The following AHCYL2 variants were observed in gnomAD, a reference collection of about 807,000 sequenced individuals.
AHCYL2 encodes adenosylhomocysteinase like 2.
A neutral mutation model predicts 81.4 loss-of-function variants in AHCYL2; 28 were observed. The observed-to-expected ratio is 0.34, with a 90% CI of 0.25 to 0.47. The LOEUF (loss-of-function observed/expected upper bound fraction) is 0.47. Among genes scored for constraint, AHCYL2 ranks in the 20% least tolerant of loss-of-function variants. AHCYL2 has a pLI of 1.00. For synonymous variants in AHCYL2, 272 were observed against 290.2 expected (o/e 0.94, Z 0.64); for missense variants, 551 against 785.1 (o/e 0.70, Z 3.56).
In AHCYL2 at chr7:129,354,575, C is replaced by A. The variant is rs543305664; in HGVS notation, c.364-25063C>A. ...GGCATGACCATTTGGTAATGGTAGT[C>A]TGCCTATGTATGGTTCCTTGCAAGT... On this transcript the variant is annotated intron_variant, in intron 1 of 16. Transcript: ENST00000325006. 2.6e-5 allele frequency among the ~76,000 whole-genome samples: 4 copies of A among 152,306 alleles called. No homozygotes were observed. In the South Asian group the frequency reaches 8.3e-4, roughly 32 times the overall value.
At position 129,287,055 on chromosome 7, in the gene AHCYL2, G is replaced by A. The variant is rs1360352749; in HGVS notation, c.363+61616G>A. Reference sequence around the variant, plus strand: ...ACAAAGACATTTAATGGGAAGAAAAGCATTGTTTTATATTCCTGCCATCTC... The same window carrying A: ...ACAAAGACATTTAATGGGAAGAAAAACATTGTTTTATATTCCTGCCATCTC... On this transcript the variant is annotated intron_variant, in intron 1 of 16. Transcript: ENST00000325006. 3.1e-5 allele frequency among the ~76,000 whole-genome samples: 3 copies of A among 96,230 alleles called. No homozygotes were observed. The South Asian group carries it at 1.3e-3, about 41-fold the overall frequency. The allele number at this position is 96,230 out of a possible 152,430, so 63.1% of individuals were successfully genotyped here.
intron 1 of AHCYL2, among the ~76,000 whole-genome samples, chr7:129,284,599 CAAAAA>C (rs1232402820): frequency 1.9e-5 from 1 of 53,344 alleles, no homozygotes. Context: ...GACTTCGTCT[CAAAAA>C]AAAAAAAAAA....
At chr7:129,299,463 G>A (rs1438286161) in intron 1 of AHCYL2, among the ~76,000 whole-genome samples, 1 of 132,992 alleles carries the variant, frequency 7.5e-6, no homozygotes, top group Non-Finnish European at 1.5e-5. Context: ...GCGCGATCTC[G>A]GCTCACTGCA....
At chr7:129,412,766 G>A (rs1175917547) in intron 11 of AHCYL2, among the ~76,000 whole-genome samples, 1 of 152,064 alleles carries the variant, frequency 6.6e-6, no homozygotes, top group Non-Finnish European at 1.5e-5. Flanking sequence ...GATGACTAAT[G>A]ATGATGAGCA....
intron 1 of AHCYL2, among the ~76,000 whole-genome samples, chr7:129,227,595 T>G (rs1584678283): frequency 1.7e-5 from 2 of 118,302 alleles, no homozygotes; most frequent in East Asian, 2.3e-4. Flanking sequence ...GGTGCTGGAG[T>G]GAGACCTTGT....
Position 129,397,213 on chromosome 7 carries a change from T to G in AHCYL2, c.721-9T>G, listed in dbSNP as rs1191194997. On this transcript the variant is annotated splice_polypyrimidine_tract_variant and intron_variant, in intron 4 of 16. Coordinates refer to ENST00000325006, the MANE Select transcript of AHCYL2 (RefSeq NM_015328.4). ...GGCTTGCTCATACCCTGCTTTGTCT[T>G]TAATACAGGTGCTTATGGAAACTCT... is the stretch of plus-strand genomic sequence containing the variant. 6.2e-7 allele frequency: 1 copy of G among 1,612,860 alleles called. No homozygotes were observed. Among genetic ancestry groups the G allele is most frequent in the African/African-American group, 1.3e-5 (1 of 74,860 alleles).
chr7:129,398,916 T>G (rs1315958582), intron 5 of AHCYL2, among the ~76,000 whole-genome samples: 1 of 151,668 alleles, frequency 6.6e-6, no homozygotes, highest in Non-Finnish European at 1.5e-5. Flanking sequence ...CTGAGGCAGG[T>G]GGATCACCTG....
chr7:129,321,772 G>GTTTTTTTTTTTTTTTTT (rs1217148394), intron 1 of AHCYL2, among the ~76,000 whole-genome samples: 22 of 114,400 alleles, frequency 1.9e-4, no homozygotes, highest in East Asian at 2.6e-4. Context: ...TTTGGTCTTG[G>GTTTTTTTTTTTTTTTTT]TTTTGTTTTT....
intron 1 of AHCYL2, among the ~76,000 whole-genome samples, chr7:129,299,985 A>C (rs1014078182): frequency 6.6e-6 from 1 of 152,088 alleles, no homozygotes; most frequent in Non-Finnish European, 1.5e-5. Flanking sequence ...AAACTTGAAA[A>C]ATTTTTTTAT....
chr7:129,387,787 T>C (rs1795267861), intron 2 of AHCYL2, among the ~76,000 whole-genome samples: 1 of 152,200 alleles, frequency 6.6e-6, no homozygotes, highest in South Asian at 2.1e-4. Flanking sequence ...ATTAGCTCCT[T>C]TCAAGAACAA....
At chr7:129,252,401 A>G (rs1022258635) in intron 1 of AHCYL2, among the ~76,000 whole-genome samples, 1 of 152,210 alleles carries the variant, frequency 6.6e-6, no homozygotes, top group African/African-American at 2.4e-5. Flanking sequence ...TAAACCAGCT[A>G]ATACTCCTTT....
intron 1 of AHCYL2, among the ~76,000 whole-genome samples, chr7:129,282,923 C>A (rs1796499632): frequency 6.6e-6 from 1 of 152,096 alleles, no homozygotes; most frequent in Admixed American, 6.6e-5. Flanking sequence ...GGTAGTTACT[C>A]CCCAGGATCC....
At chr7:129,285,717 T>G (rs1443046666) in intron 1 of AHCYL2, among the ~76,000 whole-genome samples, 4 of 80,088 alleles carry the variant, frequency 5.0e-5, no homozygotes, top group African/African-American at 1.6e-4. Context: ...TTTTTTTTTT[T>G]GAGATAGGGT....
At chr7:129,328,378 A>G (rs1798301901) in intron 1 of AHCYL2, among the ~76,000 whole-genome samples, 1 of 151,002 alleles carries the variant, frequency 6.6e-6, no homozygotes, top group South Asian at 2.1e-4. Flanking sequence ...GGGTTTTGCC[A>G]TGCTGACCAG....
Position 129,409,456 on chromosome 7 carries a change from G to C in AHCYL2, c.1296-20G>C. ...CCCAGCTGCCTGTTTAGGTTAATGG[G>C]TCATGCTTTATTTCAACAGTATGGA... On this transcript the variant is annotated intron_variant, in intron 10 of 16. Coordinates refer to ENST00000325006, the MANE Select transcript of AHCYL2 (RefSeq NM_015328.4). 1 of 1,610,520 alleles carries C rather than the reference G, an allele frequency of 6.2e-7. No individual in the cohort carries two copies. Among genetic ancestry groups the C allele is most frequent in the Non-Finnish European group, 8.5e-7 (1 of 1,177,664 alleles).
intron 1 of AHCYL2, among the ~76,000 whole-genome samples, chr7:129,341,300 A>C (rs1793169968): frequency 1.3e-5 from 2 of 152,212 alleles, no homozygotes; most frequent in African/African-American, 4.8e-5. Flanking sequence ...GAAACTAGGT[A>C]GATAAAGGCT....
chr7:129,331,002 T>A (rs2150802827), intron 1 of AHCYL2, among the ~76,000 whole-genome samples: 1 of 152,290 alleles, frequency 6.6e-6, no homozygotes, highest in East Asian at 1.9e-4. Flanking sequence ...TTTCTAAATA[T>A]GATATAAAAC....
Position 129,336,457 on chromosome 7 carries a change from A to G in AHCYL2, c.364-43181A>G, listed in dbSNP as rs1414003712. ...TATGATCACAGAATAAGTGTTACAAATTTTTCAGTGGTAACTTAATCCAGA... is the reference window on the plus strand; with the variant it reads ...TATGATCACAGAATAAGTGTTACAAGTTTTTCAGTGGTAACTTAATCCAGA... On this transcript the variant is annotated intron_variant, in intron 1 of 16. Transcript: ENST00000325006. Among the ~76,000 whole-genome samples, 6 of 152,064 alleles carry G rather than the reference A, an allele frequency of 3.9e-5. No homozygotes were observed. In the East Asian group the frequency reaches 1.2e-3, roughly 29 times the overall value.
At chr7:129,281,753 C>T (rs1252335986) in intron 1 of AHCYL2, among the ~76,000 whole-genome samples, 2 of 152,092 alleles carry the variant, frequency 1.3e-5, no homozygotes, top group East Asian at 1.9e-4. Flanking sequence ...CTGCCTTGGC[C>T]TCCCAAAGTG....
Sources: gnomAD v4.1 joint callset for allele counts (sites outside exome capture counted in the v4.1 genomes callset) on GRCh38, gnomAD v4.1.1 for gene constraint, MANE v1.5 for transcripts, NCBI Gene and HGNC (gene_info 2026-07-23, HGNC 2026-07-21) for gene names.